Variants in TRIP11 observed in about 807,000 individuals in gnomAD.
TRIP11 encodes the protein thyroid hormone receptor interactor 11, also known as thyroid receptor-interacting protein 11.
TRIP11 carries 148 observed loss-of-function variants against 223.1 expected under a neutral mutation model. The observed-to-expected ratio is 0.66, with a 90% CI of 0.58 to 0.76. TRIP11 has a LOEUF of 0.76. Ranked by LOEUF, TRIP11 falls within the 30% of genes least tolerant of loss-of-function variation. TRIP11 has a pLI of 0.00. For synonymous variants in TRIP11, 762 were observed against 772.6 expected (o/e 0.99, Z 0.23); for missense variants, 2,043 against 2,222.0 (o/e 0.92, Z 1.62).
chr14:92,018,989 A>T (rs1027591602), intron 4 of TRIP11, among the ~76,000 whole-genome samples: 1 of 150,996 alleles, frequency 6.6e-6, no homozygotes, highest in Non-Finnish European at 1.5e-5. Context: ...CAAAAAAAAA[A>T]CTTTCAGTTT....
intron 14 of TRIP11, among the ~76,000 whole-genome samples, chr14:91,994,372 T>C (rs970060826): frequency 6.7e-6 from 1 of 150,114 alleles, no homozygotes; most frequent in Admixed American, 6.7e-5. Context: ...TCAAGCCGAG[T>C]AGCTGGGATT....
intron 9 of TRIP11, 23 bp from the exon 10 acceptor site, chr14:92,007,875 G>T (rs745478561): frequency 2.3e-5 from 36 of 1,567,916 alleles, no homozygotes; most frequent in Non-Finnish European, 3.1e-5. Flanking sequence ...AAGGAAAAAA[G>T]CAACACATAC....
intron 15 of TRIP11, among the ~76,000 whole-genome samples, chr14:91,991,253 T>C (rs1343584867): frequency 6.6e-6 from 1 of 152,162 alleles, no homozygotes; most frequent in East Asian, 1.9e-4. Flanking sequence ...TTCTCTCACC[T>C]TACCCTCTCT....
chr14:92,022,550 C>T (rs910368), intron 3 of TRIP11, among the ~76,000 whole-genome samples: 20 of 152,088 alleles, frequency 1.3e-4, no homozygotes, highest in Non-Finnish European at 2.1e-4. Context: ...TGACTAAAGG[C>T]GGGTAAGTCA....
intron 16 of TRIP11, among the ~76,000 whole-genome samples, chr14:91,976,896 G>A (rs1019099452): frequency 3.9e-5 from 6 of 152,206 alleles, no homozygotes; most frequent in African/African-American, 1.4e-4. Context: ...TACAACAGGA[G>A]ATACCCTGTT....
intron 5 of TRIP11, among the ~76,000 whole-genome samples, chr14:92,016,594 T>A (rs2057037762): frequency 6.6e-6 from 1 of 151,840 alleles, no homozygotes; most frequent in African/African-American, 2.4e-5. Flanking sequence ...TAACCAAGAA[T>A]CCTAATCTAC....
intron 18 of TRIP11, 55 bp from the exon 19 acceptor site, chr14:91,974,798 AC>A (rs2056443921): frequency 9.9e-6 from 13 of 1,311,332 alleles, no homozygotes; most frequent in Admixed American, 6.2e-5. Flanking sequence ...AAAAAAAAAA[AC>A]AAGGACCACT....
chr14:91,972,360 A>G (rs1407361557), intron 20 of TRIP11, among the ~76,000 whole-genome samples: 1 of 152,240 alleles, frequency 6.6e-6, no homozygotes, highest in South Asian at 2.1e-4. Context: ...AAGAACCACC[A>G]TTAGTGAGAA....
At chr14:92,008,901 A>G (rs2056938339) in intron 9 of TRIP11, among the ~76,000 whole-genome samples, 1 of 152,214 alleles carries the variant, frequency 6.6e-6, no homozygotes, top group Non-Finnish European at 1.5e-5. Context: ...TAAAAAAATA[A>G]GAATCTCAAA....
intron 10 of TRIP11, among the ~76,000 whole-genome samples, chr14:92,007,398 C>T (rs2056918927): frequency 6.6e-6 from 1 of 152,178 alleles, no homozygotes; most frequent in South Asian, 2.1e-4. Flanking sequence ...GGGATGCTGC[C>T]TGTTTTGTAA....
intron 16 of TRIP11, among the ~76,000 whole-genome samples, chr14:91,987,386 C>A (rs986135582): frequency 2.6e-5 from 4 of 152,124 alleles, no homozygotes; most frequent in African/African-American, 9.7e-5. Flanking sequence ...GGTCTCCATG[C>A]GTCAGTGGTT....
chr14:92,034,911 A>T (rs2057307414), intron 1 of TRIP11, among the ~76,000 whole-genome samples: 1 of 152,136 alleles, frequency 6.6e-6, no homozygotes. Flanking sequence ...TGGGATTACA[A>T]GTGTAAGTCA....
rs557581960 is a variant in TRIP11 at position 92,019,650 on chromosome 14, T to C, written c.589-1900A>G. 4.6e-5 allele frequency among the ~76,000 whole-genome samples: 7 copies of C among 152,304 alleles called. No individual in the cohort carries two copies. In the East Asian group the frequency reaches 1.2e-3, roughly 25 times the overall value. On this transcript the variant is annotated intron_variant, in intron 4 of 20. Transcript: ENST00000267622. ...GATGAAATTAAATCCAAATAAACAG[T>C]GTTCCAGTTTACTCCAGGTCTCATG...
intron 4 of TRIP11, among the ~76,000 whole-genome samples, chr14:92,020,365 A>G (rs1022971251): frequency 6.6e-6 from 1 of 152,194 alleles, no homozygotes; most frequent in South Asian, 2.1e-4. Context: ...AATCTGATAT[A>G]TAAGACAAAA....
At position 91,972,854 on chromosome 14, in the gene TRIP11, GA is replaced by G. The variant is rs958352599; in HGVS notation, c.5581del (p.Ser1861GlnfsTer8). The G allele has an allele frequency of 5.6e-6, 9 of 1,610,544 alleles. No homozygotes were observed. Among genetic ancestry groups the G allele is most frequent in the Admixed American group, 1.7e-5 (1 of 59,852 alleles). ...TTCTAGAAATTTAACAAAAAGTTCT[GA>G]AAAAGACTAAGAAAAAATATTTTGG... ...NQQSVVNSSF[S>X]ELFVKFLETE... On this transcript the variant is annotated frameshift_variant, in exon 20 of 21. Coordinates refer to ENST00000267622, the MANE Select transcript of TRIP11 (RefSeq NM_004239.4). LOFTEE classifies it high-confidence loss of function.
At chr14:91,979,238 C>A in intron 16 of TRIP11, among the ~76,000 whole-genome samples, 1 of 129,230 alleles carries the variant, frequency 7.7e-6, no homozygotes, top group Non-Finnish European at 1.6e-5. Context: ...GCCTGGACAA[C>A]AGAGCGAGAC....
At chr14:91,991,926 T>C (rs145812111) in intron 15 of TRIP11, among the ~76,000 whole-genome samples, 43 of 151,472 alleles carry the variant, frequency 2.8e-4, no homozygotes, top group African/African-American at 9.4e-4. Flanking sequence ...CTACTAAAAA[T>C]ACAAAAATTA....
At chr14:92,000,165 A>G (rs773808149) in intron 11 of TRIP11, 57 bp from the exon 12 acceptor site, 135 of 1,608,666 alleles carry the variant, frequency 8.4e-5, no homozygotes, top group Non-Finnish European at 1.1e-4. Flanking sequence ...ATATTTTAAA[A>G]GAGACATTTT....
At chr14:92,010,748 T>G (rs1309236379) in intron 9 of TRIP11, among the ~76,000 whole-genome samples, 2 of 151,822 alleles carry the variant, frequency 1.3e-5, no homozygotes, top group Non-Finnish European at 2.9e-5. Context: ...CCACCTATCT[T>G]TTCTGCTTGA....
Sources: gnomAD v4.1 joint callset for allele counts (sites outside exome capture counted in the v4.1 genomes callset) on GRCh38, gnomAD v4.1.1 for gene constraint, MANE v1.5 for transcripts, NCBI Gene and HGNC (gene_info 2026-07-23, HGNC 2026-07-21) for gene names.